The following SLC19A1 variants were observed in gnomAD, a reference collection of about 807,000 sequenced individuals.
The protein encoded by SLC19A1 is solute carrier family 19 member 1.
A neutral mutation model predicts 35.3 loss-of-function variants in SLC19A1; 37 were observed. The ratio of observed to expected loss-of-function variants is 1.05; its 90% CI spans 0.81 to 1.38. The LOEUF (loss-of-function observed/expected upper bound fraction) is 1.38, where lower values mean the gene tolerates loss of function less well. Ranked by LOEUF, SLC19A1 falls within the 40% of genes most tolerant of loss-of-function variation. SLC19A1 has a pLI of 0.00. For missense variants in SLC19A1, 831 were observed against 826.9 expected (o/e 1.00, Z -0.06); for synonymous variants, 460 against 398.5 (o/e 1.15, Z -1.84).
In SLC19A1 at chr21:45,515,448, TGCAGGGACAGCATGGCCAG is replaced by T. The variant is rs2037858613; in HGVS notation, c.*191_*209del. ...CAGCAACAAAGCCCGCGGGGCACAGTGCAGGGACAGCATGGCCAGGCAGCTGCCCTGAGTGTCGCCAGCA... is the reference window on the plus strand; with the variant it reads ...CAGCAACAAAGCCCGCGGGGCACAGTGCAGCTGCCCTGAGTGTCGCCAGCA... On this transcript the variant is annotated 3_prime_UTR_variant, in exon 6 of 6. Coordinates refer to ENST00000311124, the MANE Select transcript of SLC19A1 (RefSeq NM_194255.4). The T allele has an allele frequency of 6.8e-7, 1 of 1,472,794 alleles. No homozygotes were observed. Among genetic ancestry groups the T allele is most frequent in the African/African-American group, 1.4e-5 (1 of 70,718 alleles). The allele number at this position is 1,472,794 out of a possible 1,614,324, so 91.2% of individuals were successfully genotyped here.
At chr21:45,505,034 G>T in intron 3 of SLC19A1, 1 of 1,474,244 alleles carries the variant, frequency 6.8e-7, no homozygotes, top group Non-Finnish European at 9.2e-7. Flanking sequence ...CAGAGGCTGC[G>T]CTCGCCAAGG....
upstream of SLC19A1, among the ~76,000 whole-genome samples, chr21:45,543,416 G>T (rs933790686): frequency 2.6e-5 from 4 of 152,246 alleles, no homozygotes; most frequent in Admixed American, 1.3e-4. Flanking sequence ...GGCCACCGTG[G>T]TACCCACAGC....
At chr21:45,528,610 T>G (rs2077734504) in intron 4 of SLC19A1, among the ~76,000 whole-genome samples, 1 of 152,138 alleles carries the variant, frequency 6.6e-6, no homozygotes, top group African/African-American at 2.4e-5. Context: ...CAAAAGCACA[T>G]ACTCTCCAAC....
intron 1 of SLC19A1, among the ~76,000 whole-genome samples, chr21:45,555,776 C>G (rs1478559199): frequency 1.3e-5 from 2 of 152,032 alleles, no homozygotes; most frequent in East Asian, 3.9e-4. Context: ...GAGTTCCGCG[C>G]CAGCCGAGGG....
Position 45,540,730 on chromosome 21 carries a change from G to A in SLC19A1, c.-50+1638C>T, listed in dbSNP as rs1004180225. 2.0e-5 allele frequency among the ~76,000 whole-genome samples: 3 copies of A among 152,136 alleles called. No homozygotes were observed. Among genetic ancestry groups the A allele is most frequent in the African/African-American group, 7.2e-5 (3 of 41,432 alleles). ...CCCAGCCCAGTCCCATACAGCTTGA[G>A]GCCTCTTCCCGGCATCTGAAGGAAG... On this transcript the variant is annotated intron_variant, in intron 1 of 5. Transcript: ENST00000311124. This position sits in a 1 kb window ranked among gnomAD's most constrained non-coding sequence, Gnocchi z 5.5.
At chr21:45,519,570 CAAAAAAA>C (rs57639933) in intron 5 of SLC19A1, among the ~76,000 whole-genome samples, 2 of 57,232 alleles carry the variant, frequency 3.5e-5, no homozygotes, top group Non-Finnish European at 6.6e-5. Flanking sequence ...AACTTCTGAG[CAAAAAAA>C]AAAAAAAAAA....
At chr21:45,537,669 T>G in intron 2 of SLC19A1, 102 bp downstream of exon 2, 1 of 889,806 alleles carries the variant, frequency 1.1e-6, no homozygotes, top group Non-Finnish European at 1.4e-6. Context: ...GCCCACCCAC[T>G]GGCGGCCGCC....
At chr21:45,509,696 C>T (rs975891827), downstream of SLC19A1, 11 of 794,692 alleles carry the variant, frequency 1.4e-5, no homozygotes, top group East Asian at 2.1e-4. Context: ...CTGGGGGTCC[C>T]AGGCTTCGGC....
At position 45,514,672 on chromosome 21, in the gene SLC19A1, A is replaced by AC; in HGVS notation, c.*985dup. ...CCTCCTCACTGACTGCTGACCCTCA[A>AC]CCCCCAGGCCAGGCCGGCCCTGAAT... On this transcript the variant is annotated 3_prime_UTR_variant, in exon 6 of 6. Coordinates refer to ENST00000311124, the MANE Select transcript of SLC19A1 (RefSeq NM_194255.4). The AC allele has an allele frequency of 3.7e-6, 1 of 273,566 alleles. No homozygotes were observed. Among genetic ancestry groups the AC allele is most frequent in the Non-Finnish European group, 6.8e-6 (1 of 147,114 alleles). 16.9% of individuals were successfully genotyped at this position (273,566 alleles called of 1,614,324 possible).
chr21:45,560,076 G>C (rs150857266), intron 1 of SLC19A1, among the ~76,000 whole-genome samples: 1 of 151,564 alleles, frequency 6.6e-6, no homozygotes, highest in Non-Finnish European at 1.5e-5. Context: ...AAACTGGCTC[G>C]TGCCAGGTGT....
Position 45,517,676 on chromosome 21 carries a change from G to T in SLC19A1, c.1294-1536C>A, listed in dbSNP as rs1315389445. 1.3e-5 allele frequency among the ~76,000 whole-genome samples: 2 copies of T among 152,084 alleles called. No individual in the cohort carries two copies. Among genetic ancestry groups the T allele is most frequent in the African/African-American group, 4.8e-5 (2 of 41,376 alleles). On this transcript the variant is annotated intron_variant, in intron 5 of 5. Transcript: ENST00000311124. The surrounding 1 kb of genome is among the most constrained non-coding windows in gnomAD (Gnocchi z 4.4). The stretch of plus-strand genomic sequence containing the variant: ...TGTCCTGTCCCCCTCCATGCTGGGG[G>T]GTGTCAGAGGAGGTCAAGCGGGAGT...
At position 45,530,190 on chromosome 21, in the gene SLC19A1, GTCCATGTGTGATATA is replaced by G. The variant is rs1314284744; in HGVS notation, c.1151+565_1151+579del. ...TGTGGTGCGTCCATGTGTAGTGGGT[GTCCATGTGTGATATA>G]TCCATGTGTGAACATGGTGTGTGTC... On this transcript the variant is annotated intron_variant, in intron 4 of 5. Coordinates refer to ENST00000311124, the MANE Select transcript of SLC19A1 (RefSeq NM_194255.4). The surrounding 1 kb of genome is among the most constrained non-coding windows in gnomAD (Gnocchi z 5.3). Among the ~76,000 whole-genome samples, 1 of 151,358 alleles carries G rather than the reference GTCCATGTGTGATATA, an allele frequency of 6.6e-6. No individual in the cohort carries two copies. The highest frequency in any genetic ancestry group is 1.5e-5 in the Non-Finnish European group (1 of 67,816).
downstream of SLC19A1, among the ~76,000 whole-genome samples, chr21:45,508,597 T>TGAGTA (rs2037391799): frequency 6.6e-6 from 1 of 151,898 alleles, no homozygotes; most frequent in South Asian, 2.1e-4. Flanking sequence ...GGCCCCTCCT[T>TGAGTA]GAGTAGAGGT....
Position 45,512,967 on chromosome 21 carries a change from CA to C in SLC19A1, c.*2690del, listed in dbSNP as rs1237958467. ...GAGCCCCTTCTGCTCAGCTCTGGGCCATTCTCCACAGCAACCCCAGGCTGAA... is the reference window on the plus strand; with the variant it reads ...GAGCCCCTTCTGCTCAGCTCTGGGCCTTCTCCACAGCAACCCCAGGCTGAA... On this transcript the variant is annotated 3_prime_UTR_variant, in exon 6 of 6. Coordinates refer to ENST00000311124, the MANE Select transcript of SLC19A1 (RefSeq NM_194255.4). 3 of 168,468 alleles carry C rather than the reference CA, an allele frequency of 1.8e-5. No homozygotes were observed. The highest frequency in any genetic ancestry group is 7.2e-5 in the African/African-American group (3 of 41,784). The allele number at this position is 168,468 out of a possible 1,614,324, so 10.4% of individuals were successfully genotyped here.
At chr21:45,503,673 T>G (rs1025662581) in intron 3 of SLC19A1, among the ~76,000 whole-genome samples, 1 of 147,892 alleles carries the variant, frequency 6.8e-6, no homozygotes, top group Admixed American at 6.7e-5. Flanking sequence ...CATTGGGAGA[T>G]ATACCTAATG....
chr21:45,510,304 A>T, downstream of SLC19A1: 1 of 1,553,632 alleles, frequency 6.4e-7, no homozygotes, highest in Non-Finnish European at 8.7e-7. Flanking sequence ...CTCGGCCCCC[A>T]CTTGACCTCT....
chr21:45,558,521 G>C (rs2078585529), intron 1 of SLC19A1, among the ~76,000 whole-genome samples: 2 of 152,202 alleles, frequency 1.3e-5, no homozygotes, highest in African/African-American at 4.8e-5. Context: ...CTGTGACCAG[G>C]CTGCAGAGGG....
chr21:45,514,854 G>GC lies in SLC19A1; in HGVS notation c.*803dup, dbSNP rs1243316698. On this transcript the variant is annotated 3_prime_UTR_variant, in exon 6 of 6. Transcript: ENST00000311124. ...TTCCCCAGCGCCCACCACAAAGGCA[G>GC]CCCCCCCAAGGCTGCCCAGCCCAGG... 5.2e-5 allele frequency: 37 copies of GC among 709,530 alleles called. No homozygotes were observed. The highest frequency in any genetic ancestry group is 1.1e-4 in the Admixed American group (3 of 26,586). 44.0% of individuals were successfully genotyped at this position (709,530 alleles called of 1,614,324 possible). A position where few individuals can be genotyped will look rare whatever the true frequency, so the allele number is the denominator to read the frequency against.
At chr21:45,529,704 GGTGT>G (rs745384574) in intron 4 of SLC19A1, among the ~76,000 whole-genome samples, 1 of 151,590 alleles carries the variant, frequency 6.6e-6, no homozygotes, top group East Asian at 1.9e-4. Context: ...GTGTCCGTGT[GGTGT>G]GTGTCCATCT....
Sources: gnomAD v4.1 joint callset for allele counts (sites outside exome capture counted in the v4.1 genomes callset) on GRCh38, gnomAD v4.1.1 for gene constraint, Gnocchi (gnomAD v3.1) non-coding constraint, MANE v1.5 for transcripts, NCBI Gene and HGNC (gene_info 2026-07-23, HGNC 2026-07-21) for gene names.